The following TENM2 variants were observed in gnomAD, a reference collection of about 807,000 sequenced individuals.
TENM2 encodes the protein teneurin transmembrane protein 2.
A neutral mutation model predicts 245.2 loss-of-function variants in TENM2; 52 were observed. The observed-to-expected ratio is 0.21, with a 90% confidence interval of 0.17 to 0.27. TENM2 has a LOEUF of 0.27. TENM2 is among the 10% of genes least tolerant of loss of function. TENM2 has a pLI of 1.00. For synonymous variants in TENM2, 1,363 were observed against 1,438.9 expected (o/e 0.95, Z 1.19); for missense variants, 3,046 against 3,666.8 (o/e 0.83, Z 4.37).
Position 167,336,257 on chromosome 5 carries a change from G to GT in TENM2, c.227-38935dup, listed in dbSNP as rs557572848. ...GGATGCAGTGATTTGTAGTTTCTCT[G>GT]TTTTTTGCTGGCTGGCCACATTCTA... On this transcript the variant is annotated intron_variant, in intron 1 of 28. Transcript: ENST00000518659. Among the ~76,000 whole-genome samples the GT allele has an allele frequency of 2.1e-4, 27 of 125,606 alleles. 1 individual carries two copies. The Admixed American group carries it at 2.5e-3, about 12-fold the overall frequency. The allele number at this position is 125,606 out of a possible 152,430, so 82.4% of individuals were successfully genotyped here. A position where few individuals can be genotyped will look rare whatever the true frequency, so the allele number is the denominator to read the frequency against.
chr5:168,244,346 C>A lies in TENM2; in HGVS notation c.5521-74C>A. Reference sequence around the variant, plus strand: ...ACACTTAAGCCCTGGCCATGCCAGCCATGTCCTCCACAGAAGCCTGAGCCG... The same window carrying A: ...ACACTTAAGCCCTGGCCATGCCAGCAATGTCCTCCACAGAAGCCTGAGCCG... On this transcript the variant is annotated intron_variant, in intron 25 of 28. Transcript: ENST00000518659. This position sits in a 1 kb window ranked among gnomAD's most constrained non-coding sequence, Gnocchi z 4.9. The A allele has an allele frequency of 1.6e-6, 2 of 1,268,920 alleles. No individual in the cohort carries two copies. The highest frequency in any genetic ancestry group is 2.1e-6 in the Non-Finnish European group (2 of 948,156). 78.6% of individuals were successfully genotyped at this position (1,268,920 alleles called of 1,614,324 possible). A position where few individuals can be genotyped will look rare whatever the true frequency, so the allele number is the denominator to read the frequency against.
intron 2 of TENM2, among the ~76,000 whole-genome samples, chr5:167,434,083 A>G (rs933662505): frequency 2.0e-5 from 3 of 152,184 alleles, no homozygotes; most frequent in African/African-American, 4.8e-5. Context: ...ACATCTTAAT[A>G]TAACTCTTAT....
chr5:168,066,007 G>C (rs1041218992), intron 7 of TENM2, among the ~76,000 whole-genome samples: 3 of 152,142 alleles, frequency 2.0e-5, no homozygotes, highest in Admixed American at 6.6e-5. Context: ...GTACCTAGTG[G>C]ATAGAGGCCA....
the TENM2 span, among the ~76,000 whole-genome samples, chr5:166,981,769 G>GT: frequency 1.3e-5 from 2 of 151,886 alleles, no homozygotes; most frequent in Non-Finnish European, 2.9e-5. Context: ...TACTGAGGTT[G>GT]TTTTTTTTAC....
chr5:167,475,474 TA>T (rs1582150477), intron 2 of TENM2, among the ~76,000 whole-genome samples: 1 of 152,166 alleles, frequency 6.6e-6, no homozygotes, highest in East Asian at 1.9e-4. Flanking sequence ...AAAAAGCATA[TA>T]ATTTTTTTTT....
intron 2 of TENM2, among the ~76,000 whole-genome samples, chr5:167,404,067 T>G (rs1157520384): frequency 2.0e-5 from 3 of 152,144 alleles, no homozygotes; most frequent in Non-Finnish European, 1.5e-5. Context: ...AATTGTAAAT[T>G]ATTTCTCCTC....
intron 3 of TENM2, among the ~76,000 whole-genome samples, chr5:167,914,388 A>G (rs1308632168): frequency 6.6e-6 from 1 of 152,170 alleles, no homozygotes; most frequent in Admixed American, 6.5e-5. Flanking sequence ...CAAAGCCAAC[A>G]TCATTAGACT....
chr5:167,335,993 G>A (rs1351978553), intron 1 of TENM2, among the ~76,000 whole-genome samples: 1 of 152,038 alleles, frequency 6.6e-6, no homozygotes, highest in African/African-American at 2.4e-5. Context: ...AGACTTAATA[G>A]GCTAACTAAC....
the TENM2 span, among the ~76,000 whole-genome samples, chr5:167,043,997 T>G: frequency 6.9e-6 from 1 of 143,962 alleles, no homozygotes; most frequent in South Asian, 2.1e-4. Context: ...TCCAGCCTGG[T>G]GACAGAGCGA....
the TENM2 span, among the ~76,000 whole-genome samples, chr5:167,096,898 G>T: frequency 6.6e-6 from 1 of 151,864 alleles, no homozygotes; most frequent in Non-Finnish European, 1.5e-5. Flanking sequence ...AACACATTTC[G>T]GTCTTGGTTT....
intron 2 of TENM2, among the ~76,000 whole-genome samples, chr5:167,810,508 A>G (rs1286816239): frequency 6.6e-6 from 1 of 151,966 alleles, no homozygotes; most frequent in Admixed American, 6.6e-5. Context: ...AAATTTTGAC[A>G]GCTTTGTCAT....
rs139920617 is a variant in TENM2 at position 168,058,860 on chromosome 5, T to C, written c.1310-3200T>C. Among the ~76,000 whole-genome samples the C allele has an allele frequency of 2.6e-5, 4 of 152,262 alleles. No homozygotes were observed. The East Asian group carries it at 7.7e-4, about 29-fold the overall frequency. ...ATGTTAGGCACTATACTAATCTCTC[T>C]TTTGTGTGCTTCTACTTGTTACACC... On this transcript the variant is annotated intron_variant, in intron 6 of 28. Coordinates refer to ENST00000518659, the Ensembl canonical transcript of TENM2.
intron 7 of TENM2, among the ~76,000 whole-genome samples, chr5:168,066,350 C>T (rs1375499943): frequency 6.6e-6 from 1 of 152,144 alleles, no homozygotes; most frequent in Non-Finnish European, 1.5e-5. Flanking sequence ...CAGATGGTGT[C>T]CCCTGGAAGG....
intron 8 of TENM2, among the ~76,000 whole-genome samples, chr5:168,094,752 A>G (rs1264421148): frequency 2.0e-5 from 3 of 152,024 alleles, no homozygotes; most frequent in Non-Finnish European, 4.4e-5. Flanking sequence ...TGTGCAGATC[A>G]CAATGAGGTC....
At chr5:167,477,905 A>C (rs975134359) in intron 2 of TENM2, among the ~76,000 whole-genome samples, 11 of 152,174 alleles carry the variant, frequency 7.2e-5, no homozygotes, top group Non-Finnish European at 1.3e-4. Flanking sequence ...AAAAAGAAGG[A>C]AGATATGAAA....
At chr5:167,618,452 G>A (rs746750868) in intron 2 of TENM2, among the ~76,000 whole-genome samples, 2 of 152,036 alleles carry the variant, frequency 1.3e-5, no homozygotes, top group Non-Finnish European at 2.9e-5. Flanking sequence ...TCCTGGACCT[G>A]CTTCCATATA....
intron 2 of TENM2, among the ~76,000 whole-genome samples, chr5:167,444,241 A>G (rs1224245636): frequency 6.6e-6 from 1 of 151,816 alleles, no homozygotes; most frequent in African/African-American, 2.4e-5. Flanking sequence ...TCCAATATCC[A>G]GTAGATATGT....
At chr5:167,593,261 A>G (rs978276084) in intron 2 of TENM2, among the ~76,000 whole-genome samples, 1 of 152,190 alleles carries the variant, frequency 6.6e-6, no homozygotes, top group African/African-American at 2.4e-5. Flanking sequence ...TTGAGTTTTA[A>G]TCGAATCACG....
chr5:167,033,559 T>C, the TENM2 span, among the ~76,000 whole-genome samples: 1 of 152,234 alleles, frequency 6.6e-6, no homozygotes, highest in Non-Finnish European at 1.5e-5. Flanking sequence ...TTGATATTTC[T>C]TTTTGTTGAA....
Sources: allele counts gnomAD v4.1 joint callset (sites outside exome capture counted in the v4.1 genomes callset), GRCh38; gene constraint gnomAD v4.1.1; non-coding constraint Gnocchi (gnomAD v3.1); transcripts MANE v1.5; gene names NCBI Gene and HGNC (gene_info 2026-07-23, HGNC 2026-07-21).